The following CUBN variants were observed in gnomAD, a reference collection of about 807,000 sequenced individuals.
The protein encoded by CUBN is 460 kDa receptor.
A neutral mutation model predicts 405.3 loss-of-function variants in CUBN; 282 were observed. The ratio of observed to expected loss-of-function variants is 0.70; its 90% CI spans 0.63 to 0.77. The LOEUF is 0.77. Among genes scored for constraint, CUBN ranks in the 30% least tolerant of loss-of-function variants. CUBN has a pLI of 0.00. For missense variants in CUBN, 4,514 were observed against 4,475.2 expected (o/e 1.01, Z -0.25); for synonymous variants, 1,684 against 1,617.0 (o/e 1.04, Z -0.99).
chr10:16,948,341 G>T, intron 35 of CUBN, 137 bp downstream of exon 35: 1 of 1,061,094 alleles, frequency 9.4e-7, no homozygotes, highest in Non-Finnish European at 1.4e-6. Flanking sequence ...ACTTAATTGG[G>T]AAGAAGGTAA....
intron 27 of CUBN, among the ~76,000 whole-genome samples, chr10:17,035,287 C>T (rs72775011): frequency 2.6e-5 from 4 of 152,120 alleles, no homozygotes; most frequent in East Asian, 3.9e-4. Flanking sequence ...GGTACACATA[C>T]GAACTAGCTA....
At chr10:16,964,864 T>C (rs12768213) in intron 31 of CUBN, among the ~76,000 whole-genome samples, 44,971 of 152,074 alleles carry the variant, frequency 0.3, 7,491 homozygotes, top group Middle Eastern at 0.44. Flanking sequence ...TGTGCCCCAG[T>C]CCTCTCCCCT....
chr10:16,939,463 T>C (rs992903573), intron 37 of CUBN, among the ~76,000 whole-genome samples: 3 of 152,158 alleles, frequency 2.0e-5, no homozygotes, highest in Non-Finnish European at 4.4e-5. Flanking sequence ...GGTTTATCTA[T>C]TTTACTTTGT....
intron 28 of CUBN, among the ~76,000 whole-genome samples, chr10:16,993,408 T>C (rs1833648601): frequency 6.6e-6 from 1 of 152,200 alleles, no homozygotes; most frequent in South Asian, 2.1e-4. Context: ...TCCTTGTGAA[T>C]TCCTTCGCAA....
At position 17,127,863 on chromosome 10, in the gene CUBN, T is replaced by C; in HGVS notation, c.314A>G (p.Asn105Ser). Residue 105 changes from asparagine to serine, a missense_variant, in exon 3 of 67, where the codon AAT (asparagine) becomes AGT (serine). Asn to Ser is a conservative substitution (Grantham distance 46). Around this residue, in one of 5 missense-constraint regions of CUBN, gnomAD observed 1,448 missense variants for 1,388.0 expected, o/e 1.04. Transcript: ENST00000377833. Reference sequence around the variant, plus strand: ...AAGCTGATAGATTTGACTAGATATATTTTGAGGCAGACCAATTGCACTCCC... The same window carrying C: ...AAGCTGATAGATTTGACTAGATATACTTTGAGGCAGACCAATTGCACTCCC... ...LKGSAIGLPQ[N>S]ISSQIYQLNS... is the part of the protein sequence containing the mutation. The C allele has an allele frequency of 1.2e-6, 2 of 1,613,174 alleles. No individual in the cohort carries two copies. The highest frequency in any genetic ancestry group is 1.7e-6 in the Non-Finnish European group (2 of 1,179,244).
chr10:16,899,751 A>T (rs1158613750), intron 53 of CUBN, among the ~76,000 whole-genome samples: 1 of 152,208 alleles, frequency 6.6e-6, no homozygotes, highest in Non-Finnish European at 1.5e-5. Flanking sequence ...GAAGTTAAAG[A>T]GGCATTCTCC....
intron 33 of CUBN, 127 bp downstream of exon 33, chr10:16,952,149 A>G (rs2131629195): frequency 1.4e-6 from 1 of 714,926 alleles, no homozygotes; most frequent in African/African-American, 1.7e-5. Context: ...AGGAATTGGG[A>G]CTTGCAAAAG....
intron 36 of CUBN, among the ~76,000 whole-genome samples, chr10:16,944,168 A>C (rs1842722461): frequency 6.6e-6 from 1 of 152,174 alleles, no homozygotes; most frequent in African/African-American, 2.4e-5. Context: ...GCAGGGGTGA[A>C]GTAACTGGTC....
intron 14 of CUBN, 110 bp downstream of exon 14, chr10:17,099,895 A>T (rs1836458329): frequency 5.4e-6 from 3 of 555,862 alleles, no homozygotes; most frequent in Admixed American, 2.6e-5. Flanking sequence ...TAAAAATATT[A>T]TATATCTTCA....
intron 43 of CUBN, among the ~76,000 whole-genome samples, chr10:16,920,933 C>T (rs1842016128): frequency 6.6e-6 from 1 of 152,204 alleles, no homozygotes; most frequent in Non-Finnish European, 1.5e-5. Context: ...ATACTTCCAA[C>T]TCCCCCATCT....
intron 59 of CUBN, among the ~76,000 whole-genome samples, chr10:16,861,764 C>T (rs1366467081): frequency 6.6e-6 from 1 of 152,144 alleles, no homozygotes; most frequent in Non-Finnish European, 1.5e-5. Context: ...CATCCTCTAA[C>T]AGTCCTGTGT....
chr10:16,856,944 G>A (rs1410031471), intron 59 of CUBN, among the ~76,000 whole-genome samples: 2 of 151,796 alleles, frequency 1.3e-5, no homozygotes, highest in African/African-American at 2.4e-5. Context: ...CAGGGATGCA[G>A]GGCTAGAAAT....
Position 17,068,562 on chromosome 10 carries a change from A to G in CUBN, c.2791+43T>C, listed in dbSNP as rs201427467. The G allele has an allele frequency of 6.7e-6, 10 of 1,500,648 alleles. No individual in the cohort carries two copies. The East Asian group carries it at 2.3e-4, about 34-fold the overall frequency. The allele number at this position is 1,500,648 out of a possible 1,614,324, so 93.0% of individuals were successfully genotyped here. Reference sequence around the variant, plus strand: ...ATTTCTATCATTCACTTATTCTGATACAAGCCCAAGAGGAGGAAAAAAAAA... The same window carrying G: ...ATTTCTATCATTCACTTATTCTGATGCAAGCCCAAGAGGAGGAAAAAAAAA... On this transcript the variant is annotated intron_variant, in intron 20 of 66. Transcript: ENST00000377833.
intron 34 of CUBN, 138 bp from the exon 35 acceptor site, chr10:16,948,744 C>T (rs952839967): frequency 5.9e-6 from 6 of 1,011,540 alleles, no homozygotes; most frequent in Non-Finnish European, 9.0e-6. Context: ...CCACTTCATT[C>T]AGGGTCAATG....
chr10:16,939,764 C>T (rs1010222011), intron 37 of CUBN, among the ~76,000 whole-genome samples: 4 of 152,020 alleles, frequency 2.6e-5, no homozygotes, highest in Admixed American at 6.5e-5. Flanking sequence ...TCTAACACAA[C>T]GTCATGAAAA....
chr10:16,887,216 G>A (rs906172129), intron 56 of CUBN, among the ~76,000 whole-genome samples: 5 of 152,212 alleles, frequency 3.3e-5, no homozygotes, highest in Non-Finnish European at 5.9e-5. Context: ...GTGTGCACAC[G>A]TATGTCTATA....
intron 27 of CUBN, among the ~76,000 whole-genome samples, chr10:17,037,969 C>T (rs910671230): frequency 6.8e-6 from 1 of 147,742 alleles, no homozygotes; most frequent in African/African-American, 2.5e-5. Context: ...GACAGGGTCT[C>T]ACTTCGTCAC....
In CUBN at chr10:17,101,842, C is replaced by G. The variant is rs565709524; in HGVS notation, c.1530+1283G>C. On this transcript the variant is annotated intron_variant, in intron 13 of 66. Coordinates refer to ENST00000377833, the MANE Select transcript of CUBN (RefSeq NM_001081.4). ...TCTCAATGGCACTAGGCTCTGTTTC[C>G]TCATGTGTAAAATGAAGATAATAAT... is the stretch of plus-strand genomic sequence containing the variant. Among the ~76,000 whole-genome samples, 21 of 152,186 alleles carry G rather than the reference C, an allele frequency of 1.4e-4. No individual in the cohort carries two copies. The South Asian group carries it at 3.1e-3, about 23-fold the overall frequency.
chr10:17,126,967 C>G (rs1837206006), intron 3 of CUBN, among the ~76,000 whole-genome samples, 168 bp from the exon 4 acceptor site: 1 of 152,106 alleles, frequency 6.6e-6, no homozygotes, highest in African/African-American at 2.4e-5. Context: ...GGATTTTCTT[C>G]CTTCCTATTC....
Sources: allele counts gnomAD v4.1 joint callset (sites outside exome capture counted in the v4.1 genomes callset), GRCh38; gene constraint gnomAD v4.1.1; regional missense constraint gnomAD v4.1.1; transcripts MANE v1.5; gene names NCBI Gene and HGNC (gene_info 2026-07-23, HGNC 2026-07-21).